Variants in KLHL1 observed in about 807,000 individuals in gnomAD.
The protein encoded by KLHL1 is kelch like family member 1.
Under a neutral mutation model 77.7 loss-of-function variants are expected in KLHL1, and 47 were observed. The ratio of observed to expected loss-of-function variants is 0.60; its 90% CI spans 0.48 to 0.77. The LOEUF (loss-of-function observed/expected upper bound fraction) is 0.77. Among genes scored for constraint, KLHL1 ranks in the 30% least tolerant of loss-of-function variants. The pLI, the probability that KLHL1 is intolerant of heterozygous loss-of-function variation, is 0.00. For synonymous variants in KLHL1, 360 were observed against 325.2 expected (o/e 1.11, Z -1.15); for missense variants, 925 against 910.8 (o/e 1.02, Z -0.20).
intron 5 of KLHL1, among the ~76,000 whole-genome samples, chr13:69,843,944 A>G (rs925830779): frequency 6.6e-6 from 1 of 151,770 alleles, no homozygotes; most frequent in African/African-American, 2.4e-5. Context: ...ACTTTAAGGC[A>G]ATAGACTAAT....
chr13:69,752,245 G>A (rs913423927), intron 7 of KLHL1, among the ~76,000 whole-genome samples: 7 of 152,026 alleles, frequency 4.6e-5, no homozygotes, highest in Non-Finnish European at 8.8e-5. Context: ...GTAGAGATAC[G>A]AGAAGAGACT....
chr13:70,056,379 A>G lies in KLHL1; in HGVS notation c.497+50824T>C, dbSNP rs530035166. Among the ~76,000 whole-genome samples the G allele has an allele frequency of 2.0e-5, 3 of 152,268 alleles. No homozygotes were observed. The South Asian group carries it at 6.2e-4, about 32-fold the overall frequency. On this transcript the variant is annotated intron_variant, in intron 1 of 10. Coordinates refer to ENST00000377844, the MANE Select transcript of KLHL1 (RefSeq NM_020866.3). ...GCTAAAGAAAGAGACAGACCCCAAT[A>G]TAATAATAGCTGGTGACTTCAACAT...
chr13:69,986,188 G>A (rs776346376), intron 1 of KLHL1, among the ~76,000 whole-genome samples: 10 of 152,076 alleles, frequency 6.6e-5, no homozygotes, highest in Admixed American at 1.3e-4. Context: ...AGACTGTGGG[G>A]AGAGAAGAAT....
intron 3 of KLHL1, among the ~76,000 whole-genome samples, chr13:69,957,787 T>C (rs1156449774): frequency 2.0e-5 from 3 of 151,792 alleles, no homozygotes; most frequent in Non-Finnish European, 4.4e-5. Flanking sequence ...GATTTTCTAG[T>C]AGAAAACAGT....
At chr13:69,946,776 T>C (rs1883539581) in intron 3 of KLHL1, among the ~76,000 whole-genome samples, 1 of 152,058 alleles carries the variant, frequency 6.6e-6, no homozygotes. Context: ...GACTCCCAAA[T>C]TGTTGTGATT....
chr13:69,825,877 T>G (rs975438155), intron 6 of KLHL1, among the ~76,000 whole-genome samples: 2 of 152,184 alleles, frequency 1.3e-5, no homozygotes, highest in African/African-American at 4.8e-5. Context: ...ATATCCCAGA[T>G]AGTATATTAA....
At chr13:69,937,311 T>G (rs1169584964) in intron 4 of KLHL1, among the ~76,000 whole-genome samples, 2 of 152,190 alleles carry the variant, frequency 1.3e-5, no homozygotes, top group African/African-American at 2.4e-5. Context: ...TGAGAAACAC[T>G]TAAAGACCAC....
chr13:69,874,522 G>C (rs1458251397), intron 5 of KLHL1, among the ~76,000 whole-genome samples: 1 of 151,964 alleles, frequency 6.6e-6, no homozygotes, highest in Non-Finnish European at 1.5e-5. Context: ...GATTTAAATG[G>C]CCTTTGCTTT....
At chr13:69,978,866 T>C (rs1000545943) in intron 1 of KLHL1, among the ~76,000 whole-genome samples, 2 of 152,138 alleles carry the variant, frequency 1.3e-5, no homozygotes, top group South Asian at 2.1e-4. Flanking sequence ...ACTTTGTCTT[T>C]AGTTGTTGTC....
intron 4 of KLHL1, among the ~76,000 whole-genome samples, chr13:69,911,836 T>C (rs1369760941): frequency 6.6e-6 from 1 of 152,136 alleles, no homozygotes; most frequent in Non-Finnish European, 1.5e-5. Flanking sequence ...CTCCCAAATT[T>C]ACTTGTGACA....
chr13:69,973,652 C>T (rs1449168540), intron 2 of KLHL1, among the ~76,000 whole-genome samples: 1 of 151,898 alleles, frequency 6.6e-6, no homozygotes, highest in Non-Finnish European at 1.5e-5. Context: ...TTAATTACAA[C>T]TGTTTCATCT....
chr13:69,946,467 ATAT>A (rs1377281722), intron 3 of KLHL1, among the ~76,000 whole-genome samples: 7 of 152,104 alleles, frequency 4.6e-5, no homozygotes, highest in African/African-American at 1.7e-4. Context: ...CAAATATATG[ATAT>A]TATAATTTAC....
At chr13:69,891,915 AT>A (rs1313356425) in intron 4 of KLHL1, among the ~76,000 whole-genome samples, 6 of 152,020 alleles carry the variant, frequency 3.9e-5, no homozygotes, top group African/African-American at 1.4e-4. Context: ...TTTTAAAAAA[AT>A]ACTCCAGTCA....
chr13:69,709,350 C>A (rs1035359629), intron 9 of KLHL1, among the ~76,000 whole-genome samples: 1 of 151,844 alleles, frequency 6.6e-6, no homozygotes, highest in Non-Finnish European at 1.5e-5. Flanking sequence ...AAAGATACCA[C>A]AAGGGAGAAA....
Position 69,782,570 on chromosome 13 carries a change from T to C in KLHL1, c.1639+14168A>G, listed in dbSNP as rs527957471. ...CACAGAGTCTCACTGATTGCTAGCA[T>C]AGGAGTCTGAGATCAAACTGCAAGG... On this transcript the variant is annotated intron_variant, in intron 7 of 10. Transcript: ENST00000377844. 4.6e-5 allele frequency among the ~76,000 whole-genome samples: 7 copies of C among 152,174 alleles called. No homozygotes were observed. The South Asian group carries it at 1.5e-3, about 32-fold the overall frequency.
In KLHL1 at chr13:69,730,666, G is replaced by A. The variant is rs558003704; in HGVS notation, c.1802+9728C>T. 2.9e-4 allele frequency among the ~76,000 whole-genome samples: 44 copies of A among 151,984 alleles called. No individual in the cohort carries two copies. The South Asian group carries it at 8.9e-3, about 31-fold the overall frequency. On this transcript the variant is annotated intron_variant, in intron 8 of 10. Coordinates refer to ENST00000377844, the MANE Select transcript of KLHL1 (RefSeq NM_020866.3). ...CACAGCTCACTAGCCTCAACTTCCT[G>A]ATTCAAGTAATCCTCTCACCTCAGC...
chr13:69,981,395 T>C (rs190132545), intron 1 of KLHL1, among the ~76,000 whole-genome samples: 115 of 152,186 alleles, frequency 7.6e-4, no homozygotes, highest in Non-Finnish European at 1.3e-3. Flanking sequence ...AGTTTTTTTT[T>C]CTAAGTGATA....
intron 1 of KLHL1, among the ~76,000 whole-genome samples, chr13:70,037,915 C>CT (rs1469834418): frequency 6.6e-6 from 1 of 152,176 alleles, no homozygotes; most frequent in South Asian, 2.1e-4. Flanking sequence ...CCACTTTAGA[C>CT]TTTTTTATAT....
intron 6 of KLHL1, among the ~76,000 whole-genome samples, chr13:69,817,234 G>A (rs1001485032): frequency 6.6e-5 from 10 of 151,944 alleles, no homozygotes; most frequent in East Asian, 5.8e-4. Context: ...TCTAGCTTTC[G>A]TTGAAAATGT....
Sources: allele counts gnomAD v4.1 joint callset (sites outside exome capture counted in the v4.1 genomes callset), GRCh38; gene constraint gnomAD v4.1.1; transcripts MANE v1.5; gene names NCBI Gene and HGNC (gene_info 2026-07-23, HGNC 2026-07-21).